Variants in DPYSL5 observed in about 807,000 individuals in gnomAD.
DPYSL5 encodes the protein dihydropyrimidinase like 5.
DPYSL5 carries 9 observed loss-of-function variants against 58.4 expected under a neutral mutation model. The ratio of observed to expected loss-of-function variants is 0.15; its 90% CI spans 0.09 to 0.27. The LOEUF (loss-of-function observed/expected upper bound fraction) is 0.27, where lower values mean the gene tolerates loss of function less well. DPYSL5 is among the 10% of genes least tolerant of loss of function. DPYSL5 has a pLI of 1.00. For synonymous variants in DPYSL5, 293 were observed against 301.9 expected, an observed-to-expected ratio of 0.97 and a Z score of 0.31; for missense variants, 499 against 770.6, an observed-to-expected ratio of 0.65 and a Z score of 4.17.
chr2:26,901,210 C>A (rs903773984), intron 2 of DPYSL5, among the ~76,000 whole-genome samples: 2 of 152,176 alleles, frequency 1.3e-5, no homozygotes, highest in African/African-American at 4.8e-5. Flanking sequence ...CCACAGACCC[C>A]AGGCGACCCT....
chr2:26,910,616 C>CT (rs34929540), intron 2 of DPYSL5, among the ~76,000 whole-genome samples: 2,772 of 118,480 alleles, frequency 0.023, 119 homozygotes, highest in African/African-American at 0.071. Context: ...TCTTCTTCTT[C>CT]TTTTTTTTTT....
At chr2:26,883,022 G>A (rs1663613878) in intron 1 of DPYSL5, among the ~76,000 whole-genome samples, 1 of 151,516 alleles carries the variant, frequency 6.6e-6, no homozygotes. Flanking sequence ...CTTCTGATCT[G>A]CTTTGAGTCC....
intron 2 of DPYSL5, among the ~76,000 whole-genome samples, chr2:26,900,196 A>T (rs1572696307): frequency 1.3e-5 from 2 of 152,350 alleles, no homozygotes; most frequent in East Asian, 3.9e-4. Flanking sequence ...TCCTCCAGTC[A>T]CAGGTTCCCA....
intron 1 of DPYSL5, among the ~76,000 whole-genome samples, chr2:26,859,194 ATT>A (rs925939626): frequency 1.3e-5 from 2 of 152,144 alleles, no homozygotes; most frequent in Non-Finnish European, 2.9e-5. Flanking sequence ...ATTAGATTCT[ATT>A]TATGCATTTA....
rs72851870 is a variant in DPYSL5, at chr2:26,931,699, G to C, written c.714+15G>C. ...TTGCAAACAGGGTAAGTCCCCCGATGTCCACTGTGGGATTAGAAACCAACC... is the reference window on the plus strand; with the variant it reads ...TTGCAAACAGGGTAAGTCCCCCGATCTCCACTGTGGGATTAGAAACCAACC... On this transcript the variant is annotated intron_variant, in intron 6 of 12. Transcript: ENST00000288699. 8,900 of 1,613,654 alleles carry C rather than the reference G, an allele frequency of 5.5e-3. 189 individuals carry two copies. In the African/African-American group the frequency reaches 0.073, roughly 13 times the overall value.
rs577774301 is a variant in DPYSL5 at position 26,927,255 on chromosome 2, G to A, written c.423G>A (p.Val141=). 1.9e-6 allele frequency: 3 copies of A among 1,612,890 alleles called. No individual in the cohort carries two copies. Among genetic ancestry groups the A allele is most frequent in the Non-Finnish European group, 8.5e-7 (1 of 1,179,406 alleles). ...TTGCCCTTCTACTTGTTCTCCAGGT[G>A]AAAGCAGAAATGGAGACACTGGTGA... ...HVGITWWAPK[V]KAEMETLVRE... is the part of the protein sequence containing the mutation. Residue 141 remains valine (V), a splice_region_variant and synonymous_variant, in exon 4 of 13, where the codon GTG becomes GTA. Transcript: ENST00000288699. This position sits in a 1 kb window ranked among gnomAD's most constrained non-coding sequence, Gnocchi z 4.3.
chr2:26,866,542 G>A (rs571635092), intron 1 of DPYSL5, among the ~76,000 whole-genome samples: 4 of 151,770 alleles, frequency 2.6e-5, no homozygotes, highest in African/African-American at 9.7e-5. Context: ...TAAAAAATGA[G>A]GCTTAGAAGA....
rs1424322314 is a variant in DPYSL5, at chr2:26,898,354, A to G, written c.-4-142A>G. 1 of 1,155,584 alleles carries G rather than the reference A, an allele frequency of 8.7e-7. No individual in the cohort carries two copies. Among genetic ancestry groups the G allele is most frequent in the Non-Finnish European group, 1.2e-6 (1 of 809,608 alleles). The allele number at this position is 1,155,584 out of a possible 1,614,324, so 71.6% of individuals were successfully genotyped here. ...CTGGGAAGCCAGTGGGAGGCTTGTGACTCCCGCTGGCTGTAGGGGAAAGTT... is the reference window on the plus strand; with the variant it reads ...CTGGGAAGCCAGTGGGAGGCTTGTGGCTCCCGCTGGCTGTAGGGGAAAGTT... On this transcript the variant is annotated intron_variant, in intron 1 of 12. Coordinates refer to ENST00000288699, the MANE Select transcript of DPYSL5 (RefSeq NM_020134.4). This position sits in a 1 kb window ranked among gnomAD's most constrained non-coding sequence, Gnocchi z 6.1.
chr2:26,937,472 G>A (rs1222805213), intron 8 of DPYSL5, among the ~76,000 whole-genome samples: 1 of 152,104 alleles, frequency 6.6e-6, no homozygotes, highest in East Asian at 1.9e-4. Flanking sequence ...TATGATGCAA[G>A]ATACTTGATA....
At chr2:26,865,446 G>A (rs860427) in intron 1 of DPYSL5, among the ~76,000 whole-genome samples, 2,462 of 151,164 alleles carry the variant, frequency 0.016, 68 homozygotes, top group African/African-American at 0.056. Flanking sequence ...TCAGCCTCCC[G>A]AGTAGCTGGG....
intron 6 of DPYSL5, among the ~76,000 whole-genome samples, chr2:26,932,537 A>G (rs1404012400): frequency 6.6e-6 from 1 of 152,266 alleles, no homozygotes; most frequent in East Asian, 1.9e-4. Context: ...GCCGCTGGAC[A>G]AGGACATTGT....
intron 2 of DPYSL5, among the ~76,000 whole-genome samples, chr2:26,918,444 A>G (rs1252737689): frequency 6.6e-6 from 1 of 151,390 alleles, no homozygotes; most frequent in African/African-American, 2.4e-5. Flanking sequence ...GGTTACCATG[A>G]GCAATAGAGA....
chr2:26,892,752 T>G (rs1663917084), intron 1 of DPYSL5, among the ~76,000 whole-genome samples: 1 of 78,336 alleles, frequency 1.3e-5, no homozygotes, highest in Non-Finnish European at 2.6e-5. Flanking sequence ...GCATTGGGTT[T>G]GTTTGAGAGA....
At position 26,942,633 on chromosome 2, in the gene DPYSL5, C is replaced by T; in HGVS notation, c.1323C>T (p.Ser441=). The change falls in exon 11 of 13, where the codon AGC becomes AGT. Residue 441 remains serine, a synonymous_variant. Transcript: ENST00000288699. This position sits in a 1 kb window ranked among gnomAD's most constrained non-coding sequence, Gnocchi z 5.9. ...RCHGVPLVTI[S]RGRVVYENGV... is the part of the protein sequence containing the mutation. The stretch of plus-strand genomic sequence containing the variant: ...ACGGCGTGCCACTGGTCACCATCAG[C>T]CGGGGGCGCGTCGTGTATGAGAACG... The T allele has an allele frequency of 6.2e-7, 1 of 1,614,146 alleles. No individual in the cohort carries two copies. The highest frequency in any genetic ancestry group is 8.5e-7 in the Non-Finnish European group (1 of 1,180,046).
chr2:26,921,357 T>G (rs1664698397), intron 2 of DPYSL5, among the ~76,000 whole-genome samples: 1 of 152,198 alleles, frequency 6.6e-6, no homozygotes. Context: ...TTTTATTGGC[T>G]TCCATTAAAG....
Position 26,942,013 on chromosome 2 carries a change from C to T in DPYSL5, c.1153C>T (p.Leu385=). Residue 385 remains leucine (L), a synonymous_variant, in exon 10 of 13, where the codon CTG becomes TTG. Coordinates refer to ENST00000288699, the MANE Select transcript of DPYSL5 (RefSeq NM_020134.4). This position sits in a 1 kb window ranked among gnomAD's most constrained non-coding sequence, Gnocchi z 5.9. ...TACCAGTTCCAACGCAGCTAAGCTTCTGAACCTGTATCCCCGCAAGGGCCG... is the reference window on the plus strand; with the variant it reads ...TACCAGTTCCAACGCAGCTAAGCTTTTGAACCTGTATCCCCGCAAGGGCCG... The part of the protein sequence containing the change: ...AVTSSNAAKL[L]NLYPRKGRII... 6.2e-7 allele frequency: 1 copy of T among 1,614,194 alleles called. No homozygotes were observed. The highest frequency in any genetic ancestry group is 8.5e-7 in the Non-Finnish European group (1 of 1,180,042).
rs10197786 is a variant in DPYSL5, at chr2:26,889,612, A to G, written c.-4-8884A>G. Among the ~76,000 whole-genome samples the G allele has an allele frequency of 9.7e-3, 1,473 of 152,038 alleles. 28 individuals are homozygous for G. The highest frequency in any genetic ancestry group is 0.033 in the African/African-American group (1,371 of 41,434). ...TTTCTGACCACAACCTCTGACAAGA[A>G]TGTTACCTGGATTTACTGCCTCAAT... On this transcript the variant is annotated intron_variant, in intron 1 of 12. Coordinates refer to ENST00000288699, the MANE Select transcript of DPYSL5 (RefSeq NM_020134.4).
chr2:26,936,415 G>A lies in DPYSL5; in HGVS notation c.947+1681G>A, dbSNP rs117939482. Among the ~76,000 whole-genome samples the A allele has an allele frequency of 3.2e-4, 49 of 152,298 alleles. No homozygotes were observed. In the East Asian group the frequency reaches 6.9e-3, roughly 22 times the overall value. ...CCGTTATGTTCACAACCTAAACAGA[G>A]TTGGGGGGTGCAGGGCTTAGCCAAT... is the stretch of plus-strand genomic sequence containing the variant. On this transcript the variant is annotated intron_variant, in intron 8 of 12. Coordinates refer to ENST00000288699, the MANE Select transcript of DPYSL5 (RefSeq NM_020134.4).
rs574393699 is a variant in DPYSL5, at chr2:26,942,307, C to A, written c.1232+215C>A. ...CTGTCTCCTCTTCTTATAAGGACAC[C>A]GATAAGACTGGATTAGGGCCCACCT... is the stretch of plus-strand genomic sequence containing the variant. On this transcript the variant is annotated intron_variant, in intron 10 of 12. Transcript: ENST00000288699. This position sits in a 1 kb window ranked among gnomAD's most constrained non-coding sequence, Gnocchi z 5.9. Among the ~76,000 whole-genome samples the A allele has an allele frequency of 1.3e-5, 2 of 152,240 alleles. No homozygotes were observed. Among genetic ancestry groups the A allele is most frequent in the South Asian group, 2.1e-4 (1 of 4,822 alleles).
Sources: gnomAD v4.1 joint callset for allele counts (sites outside exome capture counted in the v4.1 genomes callset) on GRCh38, gnomAD v4.1.1 for gene constraint, Gnocchi (gnomAD v3.1) non-coding constraint, MANE v1.5 for transcripts, NCBI Gene and HGNC (gene_info 2026-07-23, HGNC 2026-07-21) for gene names.